The following KCNIP1 variants were observed in gnomAD, a reference collection of about 807,000 sequenced individuals.
KCNIP1 encodes A-type potassium channel modulatory protein KCNIP1.
A neutral mutation model predicts 33.0 loss-of-function variants in KCNIP1; 18 were observed. The ratio of observed to expected loss-of-function variants is 0.55; its 90% CI spans 0.38 to 0.81. The LOEUF (loss-of-function observed/expected upper bound fraction) is 0.81, where lower values mean the gene tolerates loss of function less well. KCNIP1 is among the 30% of genes least tolerant of loss of function. The pLI is 0.00. For synonymous variants in KCNIP1, 93 were observed against 98.3 expected (o/e 0.95, Z 0.32); for missense variants, 238 against 271.6 (o/e 0.88, Z 0.87).
chr5:170,444,762 T>C (rs1475773449), intron 1 of KCNIP1, among the ~76,000 whole-genome samples: 2 of 152,006 alleles, frequency 1.3e-5, no homozygotes, highest in Non-Finnish European at 2.9e-5. Flanking sequence ...ACTAAGTACC[T>C]GAGAAGATCT....
At chr5:170,359,755 C>G (rs948817426) in intron 1 of KCNIP1, among the ~76,000 whole-genome samples, 2 of 152,188 alleles carry the variant, frequency 1.3e-5, no homozygotes, top group Non-Finnish European at 2.9e-5. Context: ...CCACCCTTGC[C>G]CCTCTGCAGC....
chr5:170,437,464 C>T (rs1211208787), intron 1 of KCNIP1, among the ~76,000 whole-genome samples: 2 of 152,172 alleles, frequency 1.3e-5, no homozygotes, highest in Non-Finnish European at 2.9e-5. Flanking sequence ...TCCAAACAAA[C>T]CTTCAAATCT....
chr5:170,587,421 C>CAAAAAAAAA (rs56358014), intron 1 of KCNIP1, among the ~76,000 whole-genome samples: 3 of 70,336 alleles, frequency 4.3e-5, no homozygotes, highest in Non-Finnish European at 5.5e-5. Flanking sequence ...GACTCTGTCT[C>CAAAAAAAAA]AAAAAAAAAA....
intron 1 of KCNIP1, among the ~76,000 whole-genome samples, chr5:170,369,038 G>T (rs759562482): frequency 6.6e-6 from 1 of 152,196 alleles, no homozygotes. Flanking sequence ...TGAAGGGGAG[G>T]CATGCTTACA....
At position 170,718,777 on chromosome 5, in the gene KCNIP1, G is replaced by A. The variant is rs1463160303; in HGVS notation, c.81G>A (p.Leu27=). The change falls in exon 2 of 8, where the codon CTG becomes CTA. Residue 27 remains leucine (L), a synonymous_variant. Transcript: ENST00000328939. ...TTCCAGATAAGATTGAAGATGAGCT[G>A]GAGATGACCATGGTTTGCCATCGGC... The part of the protein sequence containing the change: ...RPSKDKIEDE[L]EMTMVCHRPE... 5.6e-6 allele frequency: 9 copies of A among 1,613,292 alleles called. No homozygotes were observed. The highest frequency in any genetic ancestry group is 1.3e-5 in the African/African-American group (1 of 74,788).
rs570039830 is a variant in KCNIP1, at chr5:170,426,959, C to T, written c.88+72995C>T. 1.0e-3 allele frequency among the ~76,000 whole-genome samples: 157 copies of T among 152,172 alleles called. 1 individual carries two copies. Among genetic ancestry groups the T allele is most frequent in the African/African-American group, 3.3e-3 (135 of 41,536 alleles). On this transcript the variant is annotated intron_variant, in intron 1 of 7. Transcript: ENST00000377360. ...GCTCCACAGGGAGAGGGAAGAGGCGCGGCCGCAGGACCAGCTCCACAGGGA... is the reference window on the plus strand; with the variant it reads ...GCTCCACAGGGAGAGGGAAGAGGCGTGGCCGCAGGACCAGCTCCACAGGGA...
At chr5:170,459,313 G>T (rs1756456357) in intron 1 of KCNIP1, among the ~76,000 whole-genome samples, 1 of 152,104 alleles carries the variant, frequency 6.6e-6, no homozygotes. Flanking sequence ...AAGAACAATG[G>T]ATTTAAAGTA....
At chr5:170,589,108 C>T (rs945684979) in intron 1 of KCNIP1, among the ~76,000 whole-genome samples, 4 of 150,748 alleles carry the variant, frequency 2.7e-5, no homozygotes, top group African/African-American at 9.8e-5. Context: ...ACACCATTCT[C>T]CTGCCTCAGC....
chr5:170,386,971 A>C (rs1272683993), intron 1 of KCNIP1, among the ~76,000 whole-genome samples: 1 of 152,120 alleles, frequency 6.6e-6, no homozygotes, highest in East Asian at 1.9e-4. Context: ...GTCTTGACAA[A>C]GACTTCAAGA....
intron 1 of KCNIP1, among the ~76,000 whole-genome samples, chr5:170,569,035 C>T (rs1018294675): frequency 4.6e-5 from 7 of 152,106 alleles, no homozygotes; most frequent in African/African-American, 1.7e-4. Context: ...ACTGAGTGAC[C>T]ATCCCCAGGA....
intron 1 of KCNIP1, among the ~76,000 whole-genome samples, chr5:170,629,016 A>G (rs113017487): frequency 0.015 from 2,253 of 152,286 alleles, 62 homozygotes; most frequent in African/African-American, 0.049. Context: ...CTATCATGCC[A>G]CAGGCTGACC....
At chr5:170,353,552 C>T (rs1429871571) in exon 1 of KCNIP1, 2 of 430,756 alleles carry the variant, frequency 4.6e-6, no homozygotes, top group Admixed American at 3.7e-5. Context: ...CTCAACTTCA[C>T]TCTCCTCCTC....
At chr5:170,707,084 G>A (rs1763279700) in intron 1 of KCNIP1, among the ~76,000 whole-genome samples, 1 of 151,566 alleles carries the variant, frequency 6.6e-6, no homozygotes, top group South Asian at 2.1e-4. Flanking sequence ...CTAGCTGGTG[G>A]CAGGATTGGG....
intron 1 of KCNIP1, among the ~76,000 whole-genome samples, chr5:170,433,870 G>A (rs1410427426): frequency 1.3e-5 from 2 of 152,130 alleles, no homozygotes; most frequent in Non-Finnish European, 1.5e-5. Context: ...ACAGCTCATC[G>A]GGGCAGTGGG....
chr5:170,703,933 C>T lies in KCNIP1; in HGVS notation c.62-14825C>T, dbSNP rs184370070. Among the ~76,000 whole-genome samples the T allele has an allele frequency of 5.1e-5, 7 of 137,992 alleles. 2 individuals carry two copies. Among genetic ancestry groups the T allele is most frequent in the Non-Finnish European group, 1.1e-4 (7 of 65,714 alleles). The allele number at this position is 137,992 out of a possible 152,430, so 90.5% of individuals were successfully genotyped here. A position where few individuals can be genotyped will look rare whatever the true frequency, so the allele number is the denominator to read the frequency against. On this transcript the variant is annotated intron_variant, in intron 1 of 7. Coordinates refer to ENST00000328939, the MANE Select transcript of KCNIP1 (RefSeq NM_014592.4). ...AAAAATAAGCACAAGACACAATCTC[C>T]GCCTACCCCACCCTTGAATATGAAA...
chr5:170,644,881 A>G (rs1228736065), intron 1 of KCNIP1, among the ~76,000 whole-genome samples: 2 of 152,226 alleles, frequency 1.3e-5, no homozygotes, highest in Non-Finnish European at 2.9e-5. Context: ...CTGGGCCCCA[A>G]CATAGCTTGG....
intron 1 of KCNIP1, among the ~76,000 whole-genome samples, chr5:170,608,491 G>A (rs1759019182): frequency 6.6e-6 from 1 of 152,216 alleles, no homozygotes; most frequent in Non-Finnish European, 1.5e-5. Flanking sequence ...CAAAGACAAG[G>A]CTGGGCGCAG....
intron 1 of KCNIP1, among the ~76,000 whole-genome samples, chr5:170,394,684 A>G (rs1045611519): frequency 6.6e-6 from 1 of 152,178 alleles, no homozygotes; most frequent in Admixed American, 6.5e-5. Flanking sequence ...TTGAGCTTCT[A>G]TTGATCCCAT....
intron 1 of KCNIP1, among the ~76,000 whole-genome samples, chr5:170,440,631 G>A (rs77580839): frequency 0.025 from 3,855 of 152,296 alleles, 78 homozygotes; most frequent in Middle Eastern, 0.041. Context: ...TAGAAGCCAG[G>A]CGAGTATGAC....
Sources: allele counts gnomAD v4.1 joint callset (sites outside exome capture counted in the v4.1 genomes callset), GRCh38; gene constraint gnomAD v4.1.1; transcripts MANE v1.5; gene names NCBI Gene and HGNC (gene_info 2026-07-23, HGNC 2026-07-21).